METTL25: variants seen among roughly 807,000 people sequenced by gnomAD.
The protein encoded by METTL25 is methyltransferase like 25, also known as probable methyltransferase-like protein 25.
METTL25 carries 64 observed loss-of-function variants against 71.6 expected under a neutral mutation model. The observed-to-expected ratio is 0.89, with a 90% CI of 0.73 to 1.10. METTL25 has a LOEUF of 1.10. METTL25 is among the 50% of genes least tolerant of loss of function. The pLI is 0.00. For synonymous variants in METTL25, 287 were observed against 250.3 expected (o/e 1.15, Z -1.38); for missense variants, 807 against 707.0 (o/e 1.14, Z -1.60).
Position 82,415,455 on chromosome 12 carries a change from A to T in METTL25, c.1279+12325A>T, listed in dbSNP as rs554190135. Among the ~76,000 whole-genome samples, 16 of 152,250 alleles carry T rather than the reference A, an allele frequency of 1.1e-4. No homozygotes were observed. In the East Asian group the frequency reaches 3.1e-3, roughly 29 times the overall value. ...CTGGTGTATTAGGCAGGGTGATCAT[A>T]CACATACATGTAATTAGATTTACTA... On this transcript the variant is annotated intron_variant, in intron 5 of 11. Transcript: ENST00000248306.
In METTL25 at chr12:82,403,115, G is replaced by A. The variant is rs1886784505; in HGVS notation, c.1264G>A (p.Glu422Lys). Residue 422 changes from glutamate to lysine, a missense_variant, in exon 5 of 12, where the codon GAA becomes AAA. Transcript: ENST00000248306. ...CTACCACCTCTTATCTGAAGAATTT[G>A]AAAACCAGCATAAAGGTACAAGTTC... ...CCYHLLSEEF[E>K]NQHKERTQEK... The A allele has an allele frequency of 1.2e-6, 2 of 1,611,502 alleles. No homozygotes were observed. Among genetic ancestry groups the A allele is most frequent in the Admixed American group, 3.4e-5 (2 of 59,556 alleles).
intron 1 of METTL25, among the ~76,000 whole-genome samples, chr12:82,383,833 T>C (rs1456973959): frequency 6.6e-6 from 1 of 152,210 alleles, no homozygotes; most frequent in East Asian, 1.9e-4. Context: ...TCTTTGTCCT[T>C]GTACACTGGT....
At chr12:82,428,128 G>C in intron 5 of METTL25, among the ~76,000 whole-genome samples, 1 of 151,988 alleles carries the variant, frequency 6.6e-6, no homozygotes, top group South Asian at 2.1e-4. Flanking sequence ...AAGTGTGGGT[G>C]AAAGAACATA....
chr12:82,407,684 G>A (rs769309009), intron 5 of METTL25: 28 of 259,186 alleles, frequency 1.1e-4, no homozygotes, highest in African/African-American at 5.5e-4. Flanking sequence ...TGAAATGGGC[G>A]GGGACGTATG....
intron 5 of METTL25, among the ~76,000 whole-genome samples, chr12:82,419,529 T>C (rs1010063952): frequency 7.2e-5 from 11 of 152,072 alleles, no homozygotes; most frequent in African/African-American, 2.4e-4. Flanking sequence ...TACTGGACAA[T>C]GTGCCTGGCC....
intron 1 of METTL25, among the ~76,000 whole-genome samples, chr12:82,362,837 C>T (rs531132321): frequency 6.6e-6 from 1 of 152,276 alleles, no homozygotes; most frequent in East Asian, 1.9e-4. Flanking sequence ...AGGTCAGATT[C>T]CCCTGCAGAT....
At chr12:82,452,579 G>T (rs1263065070) in intron 8 of METTL25, among the ~76,000 whole-genome samples, 1 of 152,112 alleles carries the variant, frequency 6.6e-6, no homozygotes, top group African/African-American at 2.4e-5. Flanking sequence ...AAATACTAAT[G>T]AATACTTCCC....
chr12:82,373,333 C>T (rs572367020), intron 1 of METTL25, among the ~76,000 whole-genome samples: 1 of 152,228 alleles, frequency 6.6e-6, no homozygotes, highest in African/African-American at 2.4e-5. Context: ...TTTGTTAGGC[C>T]TGCTTGTCTG....
chr12:82,450,379 C>A (rs968230202), intron 8 of METTL25, among the ~76,000 whole-genome samples: 2 of 152,002 alleles, frequency 1.3e-5, no homozygotes, highest in African/African-American at 4.8e-5. Flanking sequence ...AACTTTATAA[C>A]CTCTCCCTTC....
intron 1 of METTL25, among the ~76,000 whole-genome samples, chr12:82,378,589 A>G (rs1592608387): frequency 6.6e-6 from 1 of 152,212 alleles, no homozygotes; most frequent in Admixed American, 6.5e-5. Flanking sequence ...AATTAATGAA[A>G]TGCACAACGG....
At chr12:82,418,910 T>G (rs1259042442) in intron 5 of METTL25, among the ~76,000 whole-genome samples, 2 of 152,128 alleles carry the variant, frequency 1.3e-5, no homozygotes, top group Non-Finnish European at 2.9e-5. Context: ...CTATAAACAC[T>G]AATTTGATTT....
intron 3 of METTL25, among the ~76,000 whole-genome samples, chr12:82,396,038 A>T (rs963162835): frequency 6.2e-4 from 95 of 152,150 alleles, no homozygotes; most frequent in African/African-American, 1.8e-3. Flanking sequence ...AACATATAAT[A>T]CTGTATTTTT....
intron 8 of METTL25, among the ~76,000 whole-genome samples, chr12:82,446,611 CTTT>C (rs1033730185): frequency 4.5e-5 from 6 of 134,336 alleles, no homozygotes; most frequent in Non-Finnish European, 3.3e-5. Context: ...TTTAAAATTT[CTTT>C]TTTTTTTTTT....
At chr12:82,458,296 A>G (rs934679469) in intron 9 of METTL25, among the ~76,000 whole-genome samples, 19 of 152,160 alleles carry the variant, frequency 1.2e-4, no homozygotes, top group African/African-American at 4.3e-4. Flanking sequence ...TCCAGCATAT[A>G]AAAGCTTGGA....
At chr12:82,359,113 G>C (rs1881420230) in intron 1 of METTL25, among the ~76,000 whole-genome samples, 1 of 152,200 alleles carries the variant, frequency 6.6e-6, no homozygotes, top group African/African-American at 2.4e-5. Flanking sequence ...ATTGACGCTA[G>C]GGAAACTAGG....
At chr12:82,360,317 C>G (rs917179735) in intron 1 of METTL25, among the ~76,000 whole-genome samples, 2 of 151,924 alleles carry the variant, frequency 1.3e-5, no homozygotes, top group Non-Finnish European at 2.9e-5. Flanking sequence ...TGTGTATTTT[C>G]TCTTTTAATC....
rs956743353 is a variant in METTL25 at position 82,409,224 on chromosome 12, A to G, written c.1279+6094A>G. Among the ~76,000 whole-genome samples, 4 of 152,156 alleles carry G rather than the reference A, an allele frequency of 2.6e-5. No homozygotes were observed. The South Asian group carries it at 8.3e-4, about 31-fold the overall frequency. ...CCATTGTGAATACTGAATTTATACC[A>G]TATGTTTTAAAACTACTTTTAAATA... On this transcript the variant is annotated intron_variant, in intron 5 of 11. Coordinates refer to ENST00000248306, the MANE Select transcript of METTL25 (RefSeq NM_032230.3).
intron 6 of METTL25, among the ~76,000 whole-genome samples, chr12:82,434,008 G>T (rs916344570): frequency 1.3e-5 from 2 of 150,826 alleles, no homozygotes; most frequent in Admixed American, 6.6e-5. Context: ...TATATATTTT[G>T]AAGTGTGAGT....
intron 1 of METTL25, among the ~76,000 whole-genome samples, chr12:82,382,049 G>A (rs1648353052): frequency 6.6e-6 from 1 of 152,162 alleles, no homozygotes; most frequent in African/African-American, 2.4e-5. Context: ...TAATGTAAAG[G>A]CTTTTAGCTT....
Sources: gnomAD v4.1 joint callset for allele counts (sites outside exome capture counted in the v4.1 genomes callset) on GRCh38, gnomAD v4.1.1 for gene constraint, MANE v1.5 for transcripts, NCBI Gene and HGNC (gene_info 2026-07-23, HGNC 2026-07-21) for gene names.